The following SRSF1 variants were observed in gnomAD, a reference collection of about 807,000 sequenced individuals.
The protein encoded by SRSF1 is serine and arginine rich splicing factor 1.
In SRSF1, 1 loss-of-function variant was observed where a neutral mutation model predicts 25.9. The ratio of observed to expected loss-of-function variants is 0.04; its 90% CI spans 0.01 to 0.18. The LOEUF is 0.18. Among genes scored for constraint, SRSF1 ranks in the 10% least tolerant of loss-of-function variants. SRSF1 has a pLI of 1.00. For synonymous variants in SRSF1, 132 were observed against 126.2 expected (o/e 1.05, Z -0.31); for missense variants, 65 against 350.5 (o/e 0.19, Z 6.50).
At chr17:58,000,019 C>A (rs1373387504), downstream of SRSF1, among the ~76,000 whole-genome samples, 1 of 152,138 alleles carries the variant, frequency 6.6e-6, no homozygotes, top group Non-Finnish European at 1.5e-5. Flanking sequence ...CTTTTCACCC[C>A]CTGAAATCCC....
chr17:58,005,678 A>G lies in SRSF1; in HGVS notation c.553-78T>C. ...CAGACATGCTGAATGAATACAATGTAACTAAAACCAGAAATCTGGCAATTT... is the reference window on the plus strand; with the variant it reads ...CAGACATGCTGAATGAATACAATGTGACTAAAACCAGAAATCTGGCAATTT... On this transcript the variant is annotated intron_variant, in intron 3 of 3. Coordinates refer to ENST00000258962, the MANE Select transcript of SRSF1 (RefSeq NM_006924.5). The surrounding 1 kb of genome is among the most constrained non-coding windows in gnomAD (Gnocchi z 5.2). 2.5e-6 allele frequency: 4 copies of G among 1,607,876 alleles called. No individual in the cohort carries two copies. The highest frequency in any genetic ancestry group is 3.4e-6 in the Non-Finnish European group (4 of 1,176,124).
In SRSF1 at chr17:58,003,749, A is replaced by G. The variant is rs2075408534; in HGVS notation, c.*1657T>C. 1 of 152,468 alleles carries G rather than the reference A, an allele frequency of 6.6e-6. No individual in the cohort carries two copies. Among genetic ancestry groups the G allele is most frequent in the African/African-American group, 2.4e-5 (1 of 41,366 alleles). 9.4% of individuals were successfully genotyped at this position (152,468 alleles called of 1,614,324 possible). A position where few individuals can be genotyped will look rare whatever the true frequency, so the allele number is the denominator to read the frequency against. On this transcript the variant is annotated 3_prime_UTR_variant, in exon 4 of 4. Transcript: ENST00000258962. The stretch of plus-strand genomic sequence containing the variant: ...ACCAAAAAACGCAAAACACAATTCC[A>G]TCGTGCATCTTAAGGGCTCCAATCG...
Position 58,007,152 on chromosome 17 carries a change from G to C in SRSF1, c.-15C>G. ...CCTCCCGACATGGCGGTGACGAAAAGCGCGGACTCGAGAACAGGCCTTCCC... is the reference window on the plus strand; with the variant it reads ...CCTCCCGACATGGCGGTGACGAAAACCGCGGACTCGAGAACAGGCCTTCCC... On this transcript the variant is annotated 5_prime_UTR_variant, in exon 1 of 4. Transcript: ENST00000258962. 1 of 1,613,494 alleles carries C rather than the reference G, an allele frequency of 6.2e-7. No individual in the cohort carries two copies. The highest frequency in any genetic ancestry group is 8.5e-7 in the Non-Finnish European group (1 of 1,179,852).
At chr17:58,000,578 G>A (rs1200806808), downstream of SRSF1, among the ~76,000 whole-genome samples, 1 of 152,134 alleles carries the variant, frequency 6.6e-6, no homozygotes, top group African/African-American at 2.4e-5. Flanking sequence ...AAAGAAATGT[G>A]GGCCATACCT....
chr17:58,006,830 C>T, intron 1 of SRSF1, 114 bp downstream of exon 1: 1 of 1,297,374 alleles, frequency 7.7e-7, no homozygotes, highest in Non-Finnish European at 1.1e-6. Context: ...GATACAGTCT[C>T]GCCCCAACCT....
chr17:57,998,146 G>T (rs776082298), downstream of SRSF1, among the ~76,000 whole-genome samples: 22 of 152,108 alleles, frequency 1.4e-4, no homozygotes, highest in Non-Finnish European at 3.2e-4. Flanking sequence ...GGAGGCGGAG[G>T]TTGCAGTGAG....
chr17:57,998,071 C>T (rs1396161827), downstream of SRSF1, among the ~76,000 whole-genome samples: 1 of 151,862 alleles, frequency 6.6e-6, no homozygotes, highest in Non-Finnish European at 1.5e-5. Flanking sequence ...CAAAAATTAG[C>T]CAGGTGTGGT....
intron 1 of SRSF1, 158 bp from the exon 2 acceptor site, chr17:58,006,685 A>G: frequency 1.0e-6 from 1 of 968,518 alleles, no homozygotes. Flanking sequence ...GAAACACGCC[A>G]GGCTCCCAAC....
the SRSF1 span, chr17:57,992,266 G>GT: frequency 1.3e-5 from 2 of 152,242 alleles, no homozygotes; most frequent in East Asian, 1.9e-4. Context: ...AATACACCAA[G>GT]TAAGAAATTC....
At chr17:57,993,218 G>C in the SRSF1 span, 1 of 152,168 alleles carries the variant, frequency 6.6e-6, no homozygotes, top group African/African-American at 2.4e-5. Flanking sequence ...GTGAAACCCT[G>C]TCTCTACTAA....
At chr17:57,995,418 T>C in the SRSF1 span, among the ~76,000 whole-genome samples, 24 of 152,156 alleles carry the variant, frequency 1.6e-4, no homozygotes, top group African/African-American at 4.8e-4. Flanking sequence ...GCCTCAATAG[T>C]AGGGGTCAAA....
chr17:57,998,152 G>A (rs2075372103), downstream of SRSF1, among the ~76,000 whole-genome samples: 2 of 152,190 alleles, frequency 1.3e-5, no homozygotes, highest in African/African-American at 2.4e-5. Flanking sequence ...GGAGGTTGCA[G>A]TGAGCCGAGA....
At chr17:57,999,732 G>GC (rs1363648641), downstream of SRSF1, among the ~76,000 whole-genome samples, 1 of 152,122 alleles carries the variant, frequency 6.6e-6, no homozygotes, top group East Asian at 1.9e-4. Context: ...GAGCAGTACA[G>GC]CATGTTGTAA....
At chr17:57,995,653 C>G in the SRSF1 span, among the ~76,000 whole-genome samples, 1 of 152,224 alleles carries the variant, frequency 6.6e-6, no homozygotes, top group Non-Finnish European at 1.5e-5. Flanking sequence ...GTGTTTCTCA[C>G]TTGGGTCAGA....
At chr17:57,989,143 G>T in the SRSF1 span, 1 of 398,490 alleles carries the variant, frequency 2.5e-6, no homozygotes, top group South Asian at 1.3e-4. Context: ...TCACTGAGGT[G>T]ACCCCAGCCT....
rs778745106 is a variant in SRSF1 at position 58,007,232 on chromosome 17, C to A, written c.-95G>T. On this transcript the variant is annotated 5_prime_UTR_variant, in exon 1 of 4. Coordinates refer to ENST00000258962, the MANE Select transcript of SRSF1 (RefSeq NM_006924.5). ...CGCAGCGGCACCACGTCTCCCGCGG[C>A]CCCTCCAAAATGGCGCCTTTATCAG... is the stretch of plus-strand genomic sequence containing the variant. The A allele has an allele frequency of 3.8e-5, 55 of 1,464,394 alleles. No homozygotes were observed. Among genetic ancestry groups the A allele is most frequent in the Non-Finnish European group, 4.9e-5 (53 of 1,073,410 alleles). The allele number at this position is 1,464,394 out of a possible 1,614,324, so 90.7% of individuals were successfully genotyped here. A position where few individuals can be genotyped will look rare whatever the true frequency, so the allele number is the denominator to read the frequency against.
Position 58,003,342 on chromosome 17 carries a change from A to G in SRSF1, c.*2064T>C, listed in dbSNP as rs1426567247. ...AGACTTTTACAATTAACAATAAAAGATGGCTAATACCATTAGATTGCCTTT... is the reference window on the plus strand; with the variant it reads ...AGACTTTTACAATTAACAATAAAAGGTGGCTAATACCATTAGATTGCCTTT... On this transcript the variant is annotated 3_prime_UTR_variant, in exon 4 of 4. Coordinates refer to ENST00000258962, the MANE Select transcript of SRSF1 (RefSeq NM_006924.5). The G allele has an allele frequency of 6.6e-6, 1 of 152,206 alleles. No individual in the cohort carries two copies. Among genetic ancestry groups the G allele is most frequent in the African/African-American group, 2.4e-5 (1 of 41,446 alleles). The allele number at this position is 152,206 out of a possible 1,614,324, so 9.4% of individuals were successfully genotyped here.
chr17:58,005,329 T>C lies in SRSF1; in HGVS notation c.*77A>G. 1.3e-6 allele frequency: 2 copies of C among 1,517,660 alleles called. No individual in the cohort carries two copies. Among genetic ancestry groups the C allele is most frequent in the Non-Finnish European group, 1.8e-6 (2 of 1,111,976 alleles). The allele number at this position is 1,517,660 out of a possible 1,614,324, so 94.0% of individuals were successfully genotyped here. ...CCATTCTGAACAAAACAGTTTGAAT[T>C]AAAAAATGAAAAGATTGTACTGAAT... On this transcript the variant is annotated 3_prime_UTR_variant, in exon 4 of 4. Transcript: ENST00000258962. This position sits in a 1 kb window ranked among gnomAD's most constrained non-coding sequence, Gnocchi z 5.2.
rs1384576606 is a variant in SRSF1 at position 58,004,610 on chromosome 17, G to A, written c.*796C>T. The A allele has an allele frequency of 5.1e-6, 1 of 197,568 alleles. No homozygotes were observed. Among genetic ancestry groups the A allele is most frequent in the Non-Finnish European group, 1.0e-5 (1 of 98,246 alleles). 12.2% of individuals were successfully genotyped at this position (197,568 alleles called of 1,614,324 possible). A position where few individuals can be genotyped will look rare whatever the true frequency, so the allele number is the denominator to read the frequency against. ...ATTTAAAAACACCCTGTACCCACATGTACACCAACAGCAGGTCACACATTA... is the reference window on the plus strand; with the variant it reads ...ATTTAAAAACACCCTGTACCCACATATACACCAACAGCAGGTCACACATTA... On this transcript the variant is annotated 3_prime_UTR_variant, in exon 4 of 4. Transcript: ENST00000258962.
Sources: allele counts gnomAD v4.1 joint callset (sites outside exome capture counted in the v4.1 genomes callset), GRCh38; gene constraint gnomAD v4.1.1; non-coding constraint Gnocchi (gnomAD v3.1); transcripts MANE v1.5; gene names NCBI Gene and HGNC (gene_info 2026-07-23, HGNC 2026-07-21).